OPTN: variants seen among roughly 807,000 people sequenced by gnomAD.
The protein encoded by OPTN is optineurin, also known as E3-14.7K-interacting protein.
In OPTN, 54 loss-of-function variants were observed where a neutral mutation model predicts 70.4. The ratio of observed to expected loss-of-function variants is 0.77; its 90% CI spans 0.62 to 0.96. The LOEUF is 0.96. Ranked by LOEUF, OPTN falls within the 40% of genes least tolerant of loss-of-function variation. OPTN has a pLI of 0.00. For synonymous variants in OPTN, 256 were observed against 248.5 expected (o/e 1.03, Z -0.28); for missense variants, 624 against 673.2 (o/e 0.93, Z 0.81).
intron 1 of OPTN, among the ~76,000 whole-genome samples, chr10:13,102,833 C>G (rs1211536476): frequency 6.6e-6 from 1 of 152,034 alleles, no homozygotes; most frequent in Non-Finnish European, 1.5e-5. Context: ...ATCCCAGCTA[C>G]TTGGGAGGCT....
intron 4 of OPTN, among the ~76,000 whole-genome samples, chr10:13,111,936 C>T (rs1451480364): frequency 6.7e-6 from 1 of 149,068 alleles, no homozygotes; most frequent in East Asian, 2.0e-4. Context: ...CAAGCTCCGC[C>T]TCCCAGGTTC....
intron 4 of OPTN, among the ~76,000 whole-genome samples, chr10:13,112,090 C>G (rs544313947): frequency 1.3e-5 from 2 of 151,124 alleles, no homozygotes; most frequent in South Asian, 2.1e-4. Context: ...CCTTCATGAT[C>G]CGCCCACCTC....
intron 14 of OPTN, among the ~76,000 whole-genome samples, chr10:13,134,500 G>A (rs535744001): frequency 1.6e-4 from 24 of 152,178 alleles, no homozygotes; most frequent in Non-Finnish European, 2.4e-4. Flanking sequence ...TGGCATGATC[G>A]TGGATCACTG....
chr10:13,114,730 A>AT (rs1479598119), intron 5 of OPTN, among the ~76,000 whole-genome samples: 4 of 133,486 alleles, frequency 3.0e-5, no homozygotes, highest in Non-Finnish European at 6.3e-5. Context: ...ATAATATATA[A>AT]TGTAGAATAT....
chr10:13,109,069 G>T, intron 2 of OPTN, 43 bp from the exon 3 acceptor site: 1 of 1,590,820 alleles, frequency 6.3e-7, no homozygotes. Context: ...ACCCCTTGTG[G>T]GGCGGGGGAC....
At chr10:13,125,843 GA>G (rs1833446192) in intron 10 of OPTN, 102 bp from the exon 11 acceptor site, 1 of 895,052 alleles carries the variant, frequency 1.1e-6, no homozygotes, top group Non-Finnish European at 1.8e-6. Flanking sequence ...AAAGGTAGGC[GA>G]GAAGATTTTT....
intron 11 of OPTN, among the ~76,000 whole-genome samples, chr10:13,126,652 T>C (rs116665084): frequency 0.016 from 2,379 of 152,264 alleles, 54 homozygotes; most frequent in African/African-American, 0.053. Context: ...GGAAGGGCCA[T>C]CTGCTCTGGG....
At chr10:13,129,154 G>T (rs1402820683) in intron 12 of OPTN, among the ~76,000 whole-genome samples, 1 of 152,100 alleles carries the variant, frequency 6.6e-6, no homozygotes, top group Admixed American at 6.5e-5. Context: ...TGAGGTAAGG[G>T]TAAATATTTA....
At chr10:13,105,628 G>A (rs1234958194) in intron 1 of OPTN, among the ~76,000 whole-genome samples, 1 of 152,204 alleles carries the variant, frequency 6.6e-6, no homozygotes, top group African/African-American at 2.4e-5. Context: ...TCATGGAGGG[G>A]CCCGGCACCG....
intron 5 of OPTN, among the ~76,000 whole-genome samples, chr10:13,115,848 G>C (rs1001132527): frequency 6.6e-6 from 1 of 151,112 alleles, no homozygotes; most frequent in Non-Finnish European, 1.5e-5. Flanking sequence ...CACAGAAACT[G>C]CCTCTTTTTT....
Position 13,122,825 on chromosome 10 carries a change from C to T in OPTN, c.882+338C>T, listed in dbSNP as rs186433979. 259 of 315,146 alleles carry T rather than the reference C, an allele frequency of 8.2e-4. 1 individual carries two copies. The highest frequency in any genetic ancestry group is 4.8e-3 in the African/African-American group (223 of 46,478). The allele number at this position is 315,146 out of a possible 1,614,324, so 19.5% of individuals were successfully genotyped here. ...CCAAGTAGCTGGGATTACAGGTGCC[C>T]GTCACCACGCCTGGCTAATTTTTGT... On this transcript the variant is annotated intron_variant, in intron 8 of 14. Transcript: ENST00000378747.
chr10:13,120,649 A>G (rs183639935), intron 7 of OPTN, among the ~76,000 whole-genome samples: 12 of 151,520 alleles, frequency 7.9e-5, no homozygotes, highest in Non-Finnish European at 1.5e-5. Context: ...GTTTCTGTGT[A>G]TGTTGTGATA....
chr10:13,130,247 A>T, intron 12 of OPTN, among the ~76,000 whole-genome samples: 1 of 151,938 alleles, frequency 6.6e-6, no homozygotes, highest in East Asian at 1.9e-4. Context: ...CAATATGGTG[A>T]AACCCCGTCT....
At position 13,112,518 on chromosome 10, in the gene OPTN, C is replaced by T. The variant is rs1042488570; in HGVS notation, c.435C>T (p.Thr145=). Residue 145 remains threonine, a synonymous_variant, in exon 5 of 15, where the codon ACC becomes ACT. Transcript: ENST00000378747. ...EAEQEKDQLR[T]QVVRLQAEKA... is the part of the protein sequence containing the mutation. ...AGCAGGAAAAGGACCAGCTCAGGAC[C>T]CAGGTGGTGAGGCTACAAGCAGAGA... 16 of 1,613,926 alleles carry T rather than the reference C, an allele frequency of 9.9e-6. No individual in the cohort carries two copies. The highest frequency in any genetic ancestry group is 1.3e-5 in the African/African-American group (1 of 74,866).
At position 13,123,984 on chromosome 10, in the gene OPTN, C is replaced by A; in HGVS notation, c.883-11C>A. On this transcript the variant is annotated splice_polypyrimidine_tract_variant and intron_variant, in intron 8 of 14. Coordinates refer to ENST00000378747, the MANE Select transcript of OPTN (RefSeq NM_001008212.2). The stretch of plus-strand genomic sequence containing the variant: ...ATTGTACAGATATGTTTGGGATTTC[C>A]CGTATGATAGGTTGGAAGCGAAGTG... 6.3e-7 allele frequency: 1 copy of A among 1,593,432 alleles called. No individual in the cohort carries two copies. The highest frequency in any genetic ancestry group is 8.6e-7 in the Non-Finnish European group (1 of 1,161,508).
In OPTN at chr10:13,124,126, C is replaced by T; in HGVS notation, c.998+16C>T. 5.1e-6 allele frequency: 7 copies of T among 1,364,170 alleles called. No homozygotes were observed. Among genetic ancestry groups the T allele is most frequent in the Non-Finnish European group, 7.3e-6 (7 of 955,916 alleles). The allele number at this position is 1,364,170 out of a possible 1,614,324, so 84.5% of individuals were successfully genotyped here. A position where few individuals can be genotyped will look rare whatever the true frequency, so the allele number is the denominator to read the frequency against. On this transcript the variant is annotated intron_variant, in intron 9 of 14. Coordinates refer to ENST00000378747, the MANE Select transcript of OPTN (RefSeq NM_001008212.2). ...TTCAAGAAAAGTAAGAATGAGAGAG[C>T]AATTTTATCCTCCTTTGAAATATAC...
intron 13 of OPTN, among the ~76,000 whole-genome samples, chr10:13,132,689 A>G (rs1386146983): frequency 3.9e-5 from 6 of 151,936 alleles, no homozygotes; most frequent in Non-Finnish European, 5.9e-5. Context: ...TGTAACAATA[A>G]TGTTACGTGT....
chr10:13,123,944 T>C (rs1833405435), intron 8 of OPTN, 51 bp from the exon 9 acceptor site: 1 of 1,364,430 alleles, frequency 7.3e-7, no homozygotes, highest in African/African-American at 1.4e-5. Flanking sequence ...GAGGTTTGTT[T>C]AATGTCAGAT....
chr10:13,115,035 AT>A (rs1176299594), intron 5 of OPTN, among the ~76,000 whole-genome samples: 4 of 71,928 alleles, frequency 5.6e-5, no homozygotes, highest in Non-Finnish European at 1.0e-4. Flanking sequence ...ATATTTATAT[AT>A]TTTTATATAT....
Sources: gnomAD v4.1 joint callset for allele counts (sites outside exome capture counted in the v4.1 genomes callset) on GRCh38, gnomAD v4.1.1 for gene constraint, MANE v1.5 for transcripts, NCBI Gene and HGNC (gene_info 2026-07-23, HGNC 2026-07-21) for gene names.